The following HSD17B12 variants were observed in gnomAD, a reference collection of about 807,000 sequenced individuals.
The protein encoded by HSD17B12 is hydroxysteroid 17-beta dehydrogenase 12, also known as very-long-chain 3-oxoacyl-CoA reductase.
HSD17B12 carries 32 observed loss-of-function variants against 39.3 expected under a neutral mutation model. The ratio of observed to expected loss-of-function variants is 0.81; its 90% CI spans 0.61 to 1.09. The LOEUF is 1.09. Ranked by LOEUF, HSD17B12 falls within the 50% of genes least tolerant of loss-of-function variation. HSD17B12 has a pLI of 0.00. For missense variants in HSD17B12, 342 were observed against 382.9 expected (o/e 0.89, Z 0.89); for synonymous variants, 150 against 146.7 (o/e 1.02, Z -0.16).
chr11:43,669,185 C>T, the HSD17B12 span, among the ~76,000 whole-genome samples: 1 of 152,048 alleles, frequency 6.6e-6, no homozygotes, highest in East Asian at 1.9e-4. Context: ...GGTGCACCTG[C>T]AAACTAGGTG....
At chr11:43,842,002 G>A (rs985615480) in intron 9 of HSD17B12, among the ~76,000 whole-genome samples, 5 of 152,008 alleles carry the variant, frequency 3.3e-5, no homozygotes, top group African/African-American at 1.2e-4. Flanking sequence ...GCAGAAATTG[G>A]GGCTTAGAGA....
At chr11:43,592,123 C>G in the HSD17B12 span, among the ~76,000 whole-genome samples, 5,046 of 151,998 alleles carry the variant, frequency 0.033, 274 homozygotes, top group African/African-American at 0.12. Flanking sequence ...TTGATTTCAT[C>G]TCAAATTTTT....
the HSD17B12 span, among the ~76,000 whole-genome samples, chr11:43,649,978 A>G: frequency 6.6e-6 from 1 of 152,318 alleles, no homozygotes; most frequent in East Asian, 1.9e-4. Flanking sequence ...TGAAGAAGCC[A>G]TTTTGAAAAT....
At chr11:43,588,114 A>C in the HSD17B12 span, among the ~76,000 whole-genome samples, 2 of 152,234 alleles carry the variant, frequency 1.3e-5, no homozygotes, top group African/African-American at 4.8e-5. Context: ...CAGCATCTTC[A>C]GAATTCTTAC....
intron 1 of HSD17B12, among the ~76,000 whole-genome samples, chr11:43,727,076 A>T (rs1303685748): frequency 1.3e-5 from 2 of 152,204 alleles, no homozygotes; most frequent in Non-Finnish European, 2.9e-5. Flanking sequence ...TATATTAAGG[A>T]TTCAGTCATG....
chr11:43,784,997 T>G (rs1383274714), intron 3 of HSD17B12, among the ~76,000 whole-genome samples: 1 of 152,182 alleles, frequency 6.6e-6, no homozygotes, highest in Non-Finnish European at 1.5e-5. Flanking sequence ...CTTTTTTGCT[T>G]CTTAAGGCTA....
intron 3 of HSD17B12, among the ~76,000 whole-genome samples, chr11:43,754,529 T>C (rs1262559735): frequency 6.6e-6 from 1 of 152,196 alleles, no homozygotes; most frequent in Non-Finnish European, 1.5e-5. Flanking sequence ...TGAGCCAAGA[T>C]AGTCCCACTG....
intron 1 of HSD17B12, among the ~76,000 whole-genome samples, chr11:43,713,049 G>C (rs1950084341): frequency 6.6e-6 from 1 of 152,144 alleles, no homozygotes; most frequent in African/African-American, 2.4e-5. Flanking sequence ...ACTCATTGAA[G>C]GCACTGTTAT....
chr11:43,791,636 GA>G (rs1273596721), intron 3 of HSD17B12, among the ~76,000 whole-genome samples: 22 of 152,198 alleles, frequency 1.4e-4, no homozygotes, highest in African/African-American at 5.3e-4. Flanking sequence ...ACCAAGTGCA[GA>G]AAAATCAACG....
At chr11:43,673,492 C>CTTTTTTTTTTTTTTTTTTTTTT in the HSD17B12 span, 1 of 83,872 alleles carries the variant, frequency 1.2e-5, no homozygotes, top group Non-Finnish European at 2.2e-5. Flanking sequence ...CTTTTCTTTT[C>CTTTTTTTTTTTTTTTTTTTTTT]TTTTTTTTTT....
chr11:43,660,047 C>T, the HSD17B12 span, among the ~76,000 whole-genome samples: 1 of 152,164 alleles, frequency 6.6e-6, no homozygotes, highest in Non-Finnish European at 1.5e-5. Flanking sequence ...CAAATCACTG[C>T]TGCTTCTGTC....
rs112849596 is a variant in HSD17B12 at position 43,724,699 on chromosome 11, T to C, written c.161-26212T>C. ...ATTCATGAGGGCTCTGTCCTCGTGA[T>C]CCAACCATCCACAAATGCCCCCTGC... On this transcript the variant is annotated intron_variant, in intron 1 of 10. Transcript: ENST00000278353. Among the ~76,000 whole-genome samples the C allele has an allele frequency of 4.3e-3, 662 of 152,218 alleles. 4 individuals are homozygous for C. The highest frequency in any genetic ancestry group is 0.015 in the African/African-American group (631 of 41,514).
At chr11:43,631,263 G>T in the HSD17B12 span, among the ~76,000 whole-genome samples, 1 of 152,118 alleles carries the variant, frequency 6.6e-6, no homozygotes, top group Non-Finnish European at 1.5e-5. Flanking sequence ...AAGATTTTTT[G>T]AAGAAATATA....
chr11:43,561,148 C>T, the HSD17B12 span, among the ~76,000 whole-genome samples: 1 of 152,180 alleles, frequency 6.6e-6, no homozygotes, highest in African/African-American at 2.4e-5. Context: ...TTGGTCCCAT[C>T]CAGGAGATAC....
At chr11:43,760,353 G>C (rs1950545688) in intron 3 of HSD17B12, among the ~76,000 whole-genome samples, 1 of 151,968 alleles carries the variant, frequency 6.6e-6, no homozygotes, top group South Asian at 2.1e-4. Flanking sequence ...CCCAGCCCAC[G>C]GTCAGTATTT....
In HSD17B12 at chr11:43,760,063, A is replaced by G. The variant is rs1950542950; in HGVS notation, c.283+5942A>G. 1.3e-5 allele frequency among the ~76,000 whole-genome samples: 2 copies of G among 151,846 alleles called. 1 individual carries two copies. The highest frequency in any genetic ancestry group is 4.2e-4 in the South Asian group (2 of 4,812). On this transcript the variant is annotated intron_variant, in intron 3 of 10. Transcript: ENST00000278353. Reference sequence around the variant, plus strand: ...AGGCACGTGCCACCATGCCTGGCTAATTTTTGTATTTTTAGTAGAGATGGG... The same window carrying G: ...AGGCACGTGCCACCATGCCTGGCTAGTTTTTGTATTTTTAGTAGAGATGGG...
chr11:43,705,133 A>C (rs1033824553), intron 1 of HSD17B12, among the ~76,000 whole-genome samples: 12 of 152,252 alleles, frequency 7.9e-5, no homozygotes, highest in Admixed American at 7.9e-4. Context: ...ATTTGAATAC[A>C]GACATGGATG....
intron 3 of HSD17B12, among the ~76,000 whole-genome samples, chr11:43,757,634 C>T (rs1296987095): frequency 2.7e-5 from 1 of 37,190 alleles, no homozygotes; most frequent in East Asian, 4.8e-4. Context: ...AGCGAGACTC[C>T]GTCTCAAAAA....
intron 1 of HSD17B12, among the ~76,000 whole-genome samples, chr11:43,690,375 TATATATATATATATATATATATATA>T: frequency 1.5e-4 from 2 of 13,786 alleles, no homozygotes; most frequent in Non-Finnish European, 2.4e-4. Context: ...TATATATATA[TATATATATATATATATATATATATA>T]TATATTTTTT....
Sources: allele counts gnomAD v4.1 joint callset (sites outside exome capture counted in the v4.1 genomes callset), GRCh38; gene constraint gnomAD v4.1.1; transcripts MANE v1.5; gene names NCBI Gene and HGNC (gene_info 2026-07-23, HGNC 2026-07-21).